Variants in DENND1A observed in about 807,000 individuals in gnomAD.
DENND1A encodes DENN domain containing 1A.
DENND1A carries 51 observed loss-of-function variants against 113.7 expected under a neutral mutation model. The observed-to-expected ratio is 0.45, with a 90% CI of 0.36 to 0.57. The LOEUF (loss-of-function observed/expected upper bound fraction) is 0.57, where lower values mean the gene tolerates loss of function less well. DENND1A is among the 20% of genes least tolerant of loss of function. The pLI is 0.00. For missense variants in DENND1A, 1,258 were observed against 1,395.9 expected (o/e 0.90, Z 1.57); for synonymous variants, 565 against 570.8 (o/e 0.99, Z 0.14).
chr9:123,670,950 G>A (rs2063734416), intron 7 of DENND1A, among the ~76,000 whole-genome samples: 1 of 152,200 alleles, frequency 6.6e-6, no homozygotes, highest in African/African-American at 2.4e-5. Context: ...CAGTGCTGGG[G>A]GACGAGGGTG....
chr9:123,648,055 T>C (rs1353595464), intron 9 of DENND1A, among the ~76,000 whole-genome samples: 1 of 152,136 alleles, frequency 6.6e-6, no homozygotes, highest in African/African-American at 2.4e-5. Flanking sequence ...ACGAAATTTT[T>C]TGTAAACCTA....
At chr9:123,924,497 A>G (rs1160489140) in intron 1 of DENND1A, among the ~76,000 whole-genome samples, 4 of 149,932 alleles carry the variant, frequency 2.7e-5, no homozygotes, top group Non-Finnish European at 6.0e-5. Flanking sequence ...CTAAAAATAC[A>G]AAAACTAGTC....
chr9:123,728,968 A>T (rs2067956679), intron 5 of DENND1A, among the ~76,000 whole-genome samples: 1 of 152,214 alleles, frequency 6.6e-6, no homozygotes, highest in Admixed American at 6.5e-5. Flanking sequence ...CAACATACAC[A>T]AATCAATAAA....
intron 21 of DENND1A, chr9:123,402,447 C>G (rs910417083): frequency 8.6e-5 from 45 of 525,458 alleles, no homozygotes; most frequent in African/African-American, 7.6e-4. Context: ...CTTGCTCCAA[C>G]TCTGACTGGG....
chr9:123,585,119 G>A (rs925678558), intron 11 of DENND1A, among the ~76,000 whole-genome samples: 5 of 152,162 alleles, frequency 3.3e-5, no homozygotes, highest in East Asian at 1.9e-4. Flanking sequence ...GCAGAATCCC[G>A]GAACCTTTCC....
rs73571639 is a variant in DENND1A at position 123,545,244 on chromosome 9, G to T, written c.993+12326C>A. 8.6e-3 allele frequency among the ~76,000 whole-genome samples: 1,307 copies of T among 152,136 alleles called. 31 individuals are homozygous for T. The highest frequency in any genetic ancestry group is 0.03 in the African/African-American group (1,250 of 41,430). On this transcript the variant is annotated intron_variant, in intron 13 of 23. Transcript: ENST00000394215. ...AGAAGGCTTCAATTTTCTTGTGGAA[G>T]GGTAGCCTAAGCCTGAATGTCATGT... is the stretch of plus-strand genomic sequence containing the variant.
chr9:123,927,974 A>G (rs891361032), intron 1 of DENND1A, among the ~76,000 whole-genome samples: 5 of 152,246 alleles, frequency 3.3e-5, no homozygotes, highest in Admixed American at 2.6e-4. Context: ...ACTACTTTTC[A>G]TAACTTCTCT....
At chr9:123,784,823 T>C in intron 3 of DENND1A, among the ~76,000 whole-genome samples, 1 of 152,184 alleles carries the variant, frequency 6.6e-6, no homozygotes, top group South Asian at 2.1e-4. Flanking sequence ...TCCTTCTACA[T>C]AACTGTAACA....
chr9:123,690,574 G>A (rs928038999), intron 5 of DENND1A, among the ~76,000 whole-genome samples: 24 of 152,022 alleles, frequency 1.6e-4, no homozygotes, highest in African/African-American at 5.8e-4. Flanking sequence ...TATATACGAA[G>A]GATTTTTTCA....
intron 20 of DENND1A, among the ~76,000 whole-genome samples, chr9:123,407,588 G>C (rs994002567): frequency 1.3e-5 from 2 of 152,120 alleles, no homozygotes; most frequent in Non-Finnish European, 2.9e-5. Flanking sequence ...CCCATGTTTC[G>C]GGGGTGCTTA....
chr9:123,560,878 A>T (rs557255821), intron 12 of DENND1A, among the ~76,000 whole-genome samples: 1 of 152,240 alleles, frequency 6.6e-6, no homozygotes, highest in Non-Finnish European at 1.5e-5. Flanking sequence ...CATAAGCCCC[A>T]GCCCCACAGT....
chr9:123,785,195 A>T (rs949189186), intron 3 of DENND1A, among the ~76,000 whole-genome samples: 6 of 151,810 alleles, frequency 4.0e-5, no homozygotes, highest in Admixed American at 2.6e-4. Context: ...TTTTTTTTTT[A>T]AATTAGGCAG....
intron 2 of DENND1A, among the ~76,000 whole-genome samples, chr9:123,830,195 CA>C (rs911064236): frequency 7.9e-5 from 12 of 151,990 alleles, no homozygotes; most frequent in African/African-American, 2.9e-4. Flanking sequence ...GGATGATTCT[CA>C]AAAAATCTTT....
chr9:123,820,331 T>C (rs1177533862), intron 2 of DENND1A, among the ~76,000 whole-genome samples: 2 of 152,252 alleles, frequency 1.3e-5, no homozygotes, highest in African/African-American at 4.8e-5. Flanking sequence ...CGAGTCATTA[T>C]TGGGTATAGG....
intron 4 of DENND1A, among the ~76,000 whole-genome samples, chr9:123,766,824 GA>G (rs1228318342): frequency 6.6e-6 from 1 of 152,128 alleles, no homozygotes; most frequent in African/African-American, 2.4e-5. Flanking sequence ...GTTTGAAAAA[GA>G]AAAATCTTAA....
At chr9:123,813,328 T>C (rs1182758320) in intron 2 of DENND1A, among the ~76,000 whole-genome samples, 1 of 152,198 alleles carries the variant, frequency 6.6e-6, no homozygotes, top group South Asian at 2.1e-4. Context: ...TATTTTCACA[T>C]TTTCTATGAA....
intron 13 of DENND1A, among the ~76,000 whole-genome samples, chr9:123,472,833 C>A (rs2049551692): frequency 6.6e-6 from 1 of 152,248 alleles, no homozygotes; most frequent in Non-Finnish European, 1.5e-5. Context: ...CCAGGTAGGT[C>A]TGTAAGTCTC....
At chr9:123,843,375 G>T in intron 2 of DENND1A, 1 of 335,424 alleles carries the variant, frequency 3.0e-6, no homozygotes, top group South Asian at 2.6e-5. Context: ...ATTTTTATTT[G>T]CAGTCATTTT....
intron 19 of DENND1A, among the ~76,000 whole-genome samples, chr9:123,439,292 C>A (rs1007699614): frequency 6.6e-6 from 1 of 152,102 alleles, no homozygotes. Context: ...ATGAACCTCC[C>A]CAAGTTAAAG....
Sources: allele counts gnomAD v4.1 joint callset (sites outside exome capture counted in the v4.1 genomes callset), GRCh38; gene constraint gnomAD v4.1.1; transcripts MANE v1.5; gene names NCBI Gene and HGNC (gene_info 2026-07-23, HGNC 2026-07-21).